SNX19: variants seen among roughly 807,000 people sequenced by gnomAD.
SNX19 encodes sorting nexin-19.
SNX19 carries 60 observed loss-of-function variants against 85.2 expected under a neutral mutation model. The observed-to-expected ratio is 0.70, with a 90% CI of 0.57 to 0.87. The LOEUF is 0.87. Ranked by LOEUF, SNX19 falls within the 40% of genes least tolerant of loss-of-function variation. The pLI, the probability that SNX19 is intolerant of heterozygous loss-of-function variation, is 0.00. For missense variants in SNX19, 1,201 were observed against 1,217.8 expected (o/e 0.99, Z 0.21); for synonymous variants, 520 against 470.0 (o/e 1.11, Z -1.38).
chr11:130,908,023 T>G lies in SNX19; in HGVS notation c.2095A>C (p.Ser699Arg), dbSNP rs549908563. The part of the protein sequence containing the change: ...KTAFPRSEPQ[S>R]PTEELSEAET... Reference sequence around the variant, plus strand: ...GCCTCACTCAGCTCCTCTGTGGGGCTCTGGGGTTCAGAGCGAGGAAACGCT... The same window carrying G: ...GCCTCACTCAGCTCCTCTGTGGGGCGCTGGGGTTCAGAGCGAGGAAACGCT... Residue 699 changes from serine (S) to arginine (R), a missense_variant, in exon 5 of 11, where the codon AGC (serine) becomes CGC (arginine). Transcript: ENST00000265909. 6.2e-7 allele frequency: 1 copy of G among 1,614,158 alleles called. No individual in the cohort carries two copies. Among genetic ancestry groups the G allele is most frequent in the South Asian group, 1.1e-5 (1 of 91,082 alleles).
At chr11:130,898,832 G>A (rs1945058006) in intron 8 of SNX19, among the ~76,000 whole-genome samples, 1 of 151,670 alleles carries the variant, frequency 6.6e-6, no homozygotes, top group Non-Finnish European at 1.5e-5. Flanking sequence ...CGGAGATGCA[G>A]TTTGGATTCT....
rs138205892 is a variant in SNX19, at chr11:130,915,460, A to C, written c.480T>G (p.Thr160=). 4.5e-5 allele frequency: 72 copies of C among 1,614,012 alleles called. No individual in the cohort carries two copies. In the African/African-American group the frequency reaches 8.3e-4, roughly 19 times the overall value. The part of the protein sequence containing the change: ...DSHAVAQSVL[T]LCGCHLQSYI... Reference sequence around the variant, plus strand: ...AGCTCTGCAGGTGACAACCGCAGAGAGTCAGAACACTCTGGGCAACAGCAT... The same window carrying C: ...AGCTCTGCAGGTGACAACCGCAGAGCGTCAGAACACTCTGGGCAACAGCAT... Residue 160 remains threonine (T), a synonymous_variant, in exon 1 of 11, where the codon ACT becomes ACG. Transcript: ENST00000265909.
Position 130,906,654 on chromosome 11 carries a change from T to C in SNX19, c.2233A>G (p.Ile745Val). Residue 745 changes from isoleucine to valine, a missense_variant, in exon 6 of 11, where the codon ATT becomes GTT. By Grantham distance (29) the Ile-to-Val change is conservative. Transcript: ENST00000265909. ...TTGCCTTCCTGGAGACAATAAAGAATCTTGTCTTGTGCTTCAGTCACACTT... is the reference window on the plus strand; with the variant it reads ...TTGCCTTCCTGGAGACAATAAAGAACCTTGTCTTGTGCTTCAGTCACACTT... ...ALSVTEAQDK[I>V]LYCLQEGNVE... 6.2e-7 allele frequency: 1 copy of C among 1,613,192 alleles called. No individual in the cohort carries two copies. The highest frequency in any genetic ancestry group is 1.1e-5 in the South Asian group (1 of 91,056).
intron 1 of SNX19, among the ~76,000 whole-genome samples, chr11:130,912,112 T>C (rs966908600): frequency 6.6e-6 from 1 of 152,198 alleles, no homozygotes; most frequent in African/African-American, 2.4e-5. Context: ...ACCTTTAAAT[T>C]ACAGGGCTAA....
rs576008042 is a variant in SNX19 at position 130,889,612 on chromosome 11, G to A, written c.2574-8806C>T. On this transcript the variant is annotated intron_variant, in intron 8 of 10. Transcript: ENST00000265909. ...AACAGTTTTTATCTCATTCTGTTACGCTCCTGTGAATTCCAGTACTCTCAT... is the reference window on the plus strand; with the variant it reads ...AACAGTTTTTATCTCATTCTGTTACACTCCTGTGAATTCCAGTACTCTCAT... Among the ~76,000 whole-genome samples, 51 of 152,086 alleles carry A rather than the reference G, an allele frequency of 3.4e-4. No homozygotes were observed. In the South Asian group the frequency reaches 3.7e-3, roughly 11 times the overall value.
intron 8 of SNX19, among the ~76,000 whole-genome samples, chr11:130,883,502 G>A (rs554205442): frequency 4.1e-4 from 63 of 152,358 alleles, no homozygotes; most frequent in Middle Eastern, 3.4e-3. Flanking sequence ...AAGAGGGACA[G>A]AGTTTGGAAA....
At chr11:130,906,234 G>T in intron 6 of SNX19, 101 bp from the exon 7 acceptor site, 3 of 1,261,484 alleles carry the variant, frequency 2.4e-6, no homozygotes, top group Non-Finnish European at 3.3e-6. Context: ...TAAGTACCTT[G>T]GGTATAAAAC....
chr11:130,894,950 C>A, intron 8 of SNX19: 3 of 985,414 alleles, frequency 3.0e-6, no homozygotes, highest in Non-Finnish European at 3.6e-6. Flanking sequence ...TCGACAGTAA[C>A]AGACAAAGGA....
chr11:130,897,524 C>T (rs1944959607), intron 8 of SNX19, among the ~76,000 whole-genome samples: 1 of 152,206 alleles, frequency 6.6e-6, no homozygotes, highest in South Asian at 2.1e-4. Flanking sequence ...ACGTGGCATT[C>T]ACGCATTCTG....
At position 130,914,928 on chromosome 11, in the gene SNX19, C is replaced by T. The variant is rs754253766; in HGVS notation, c.1012G>A (p.Gly338Arg). ...EVEEGHEAVE[G>R]DLGGMCEERK... ...TCTTCACACATCCCACCCAAATCTC[C>T]CTCTACAGCTTCGTGGCCTTCTTCA... Residue 338 changes from glycine to arginine, a missense_variant, in exon 1 of 11, where the codon GGA becomes AGA. Transcript: ENST00000265909. 2.4e-5 allele frequency: 39 copies of T among 1,614,088 alleles called. No homozygotes were observed. Among genetic ancestry groups the T allele is most frequent in the Non-Finnish European group, 3.2e-5 (38 of 1,180,060 alleles).
rs954008671 is a variant in SNX19 at position 130,870,507 on chromosome 11, C to T, written c.*7915G>A. ...GAAACTTTTTGGGTTCCCACCCACA[C>T]GCAAGATGTACAAAGCTGTCTGGGG... On this transcript the variant is annotated 3_prime_UTR_variant, in exon 11 of 11. Coordinates refer to ENST00000265909, the MANE Select transcript of SNX19 (RefSeq NM_014758.3). Among the ~76,000 whole-genome samples, 41 of 152,356 alleles carry T rather than the reference C, an allele frequency of 2.7e-4. No homozygotes were observed. The highest frequency in any genetic ancestry group is 9.4e-4 in the African/African-American group (39 of 41,592).
rs757323943 is a variant in SNX19 at position 130,876,144 on chromosome 11, CA to C, written c.*2277del. On this transcript the variant is annotated 3_prime_UTR_variant, in exon 11 of 11. Transcript: ENST00000265909. ...AATAAAATTTAGTCACGAGTAAATA[CA>C]AAAAACAAGCAAACAATAAAACCTT... 6.6e-6 allele frequency: 1 copy of C among 152,122 alleles called. No individual in the cohort carries two copies. The highest frequency in any genetic ancestry group is 1.5e-5 in the Non-Finnish European group (1 of 68,008). The allele number at this position is 152,122 out of a possible 1,614,324, so 9.4% of individuals were successfully genotyped here.
At position 130,910,140 on chromosome 11, in the gene SNX19, GC is replaced by G; in HGVS notation, c.1915-4del. 6.2e-7 allele frequency: 1 copy of G among 1,614,132 alleles called. No individual in the cohort carries two copies. Among genetic ancestry groups the G allele is most frequent in the South Asian group, 1.1e-5 (1 of 91,090 alleles). Reference sequence around the variant, plus strand: ...ATCTCCGGAATGGCACAGAGTTGCTGCAAAAGTAAAACACACACACATTTTA... The same window carrying G: ...ATCTCCGGAATGGCACAGAGTTGCTGAAAAGTAAAACACACACACATTTTA... On this transcript the variant is annotated splice_region_variant and splice_polypyrimidine_tract_variant and intron_variant, in intron 3 of 10. Transcript: ENST00000265909.
chr11:130,869,872 T>C lies in SNX19; in HGVS notation c.*8550A>G, dbSNP rs189547058. The C allele has an allele frequency of 1.1e-3, 168 of 150,632 alleles. 1 individual carries two copies. Among genetic ancestry groups the C allele is most frequent in the Admixed American group, 0.01 (159 of 15,160 alleles). 9.3% of individuals were successfully genotyped at this position (150,632 alleles called of 1,614,324 possible). On this transcript the variant is annotated 3_prime_UTR_variant, in exon 11 of 11. Transcript: ENST00000265909. ...CAAAAAGGCAATTAGATTAGTGGGG[T>C]AGCCAAGTCACCCACAAAGACTGAT...
intron 8 of SNX19, chr11:130,894,674 T>C (rs1475418163): frequency 8.1e-6 from 8 of 985,328 alleles, no homozygotes; most frequent in East Asian, 1.1e-4. Flanking sequence ...TGTCACCTAT[T>C]TGAAACAATA....
intron 8 of SNX19, among the ~76,000 whole-genome samples, chr11:130,882,487 T>C (rs1347075156): frequency 6.6e-6 from 1 of 152,214 alleles, no homozygotes; most frequent in Admixed American, 6.5e-5. Context: ...TCACAACTGA[T>C]TCTAAGAATA....
At chr11:130,880,134 G>A (rs1052659325) in intron 9 of SNX19, among the ~76,000 whole-genome samples, 11 of 152,280 alleles carry the variant, frequency 7.2e-5, no homozygotes, top group African/African-American at 2.6e-4. Flanking sequence ...AACCTTCTCA[G>A]ATTTTGTTTT....
intron 7 of SNX19, chr11:130,905,509 A>G: frequency 3.9e-6 from 2 of 513,444 alleles, no homozygotes; most frequent in East Asian, 4.1e-5. Context: ...AGTGTGTAGA[A>G]TAAGGACAGC....
rs1946138395 is a variant in SNX19 at position 130,911,666 on chromosome 11, C to G, written c.1780G>C (p.Glu594Gln). Residue 594 changes from glutamate (E) to glutamine (Q), a missense_variant, in exon 2 of 11, where the codon GAG becomes CAG. Coordinates refer to ENST00000265909, the MANE Select transcript of SNX19 (RefSeq NM_014758.3). The part of the protein sequence containing the change: ...REFLNLQTRL[E>Q]EKPDLRKFIK... ...AACTTTCGTAGATCTGGTTTCTCCT[C>G]CAGACGGGTCTGCAGATTCAAGAAC... 1 of 1,614,184 alleles carries G rather than the reference C, an allele frequency of 6.2e-7. No individual in the cohort carries two copies.
Sources: gnomAD v4.1 joint callset for allele counts (sites outside exome capture counted in the v4.1 genomes callset) on GRCh38, gnomAD v4.1.1 for gene constraint, MANE v1.5 for transcripts, NCBI Gene and HGNC (gene_info 2026-07-23, HGNC 2026-07-21) for gene names.